Variants in APPBP2 observed in about 807,000 individuals in gnomAD.
APPBP2 encodes the protein amyloid beta precursor protein binding protein 2.
Under a neutral mutation model 76.0 loss-of-function variants are expected in APPBP2, and 15 were observed. The ratio of observed to expected loss-of-function variants is 0.20; its 90% CI spans 0.13 to 0.30. The LOEUF is 0.30. APPBP2 is among the 10% of genes least tolerant of loss of function. The pLI, the probability that APPBP2 is intolerant of heterozygous loss-of-function variation, is 1.00. For synonymous variants in APPBP2, 222 were observed against 242.2 expected (o/e 0.92, Z 0.77); for missense variants, 401 against 687.2 (o/e 0.58, Z 4.66).
chr17:60,513,230 G>C (rs1216659132), intron 1 of APPBP2: 3 of 400,258 alleles, frequency 7.5e-6, no homozygotes, highest in African/African-American at 2.1e-5. Flanking sequence ...ACTTCCACCT[G>C]AAGTAAATCA....
intron 4 of APPBP2, among the ~76,000 whole-genome samples, chr17:60,472,271 T>A (rs1016777646): frequency 3.3e-5 from 5 of 152,226 alleles, no homozygotes; most frequent in African/African-American, 1.2e-4. Context: ...TTGATAGAAT[T>A]CACTAGTGAA....
At chr17:60,517,491 CAT>C (rs1332289637) in intron 1 of APPBP2, among the ~76,000 whole-genome samples, 1 of 152,204 alleles carries the variant, frequency 6.6e-6, no homozygotes, top group Admixed American at 6.5e-5. Flanking sequence ...TCTTTGCTGA[CAT>C]AAAATTTTTT....
chr17:60,461,940 G>T, intron 7 of APPBP2, 25 bp from the exon 8 acceptor site: 1 of 1,606,704 alleles, frequency 6.2e-7, no homozygotes, highest in Non-Finnish European at 8.5e-7. Context: ...AAAATTATTA[G>T]GATATAAAGT....
intron 2 of APPBP2, among the ~76,000 whole-genome samples, chr17:60,499,790 T>C (rs149272564): frequency 2.0e-5 from 3 of 152,246 alleles, no homozygotes; most frequent in Non-Finnish European, 4.4e-5. Context: ...AAAAACATTA[T>C]GCTAAATGAA....
intron 3 of APPBP2, among the ~76,000 whole-genome samples, chr17:60,492,462 A>G (rs1421988518): frequency 6.6e-6 from 1 of 152,230 alleles, no homozygotes; most frequent in Non-Finnish European, 1.5e-5. Context: ...CAGTCCGTGA[A>G]AGCAGCTGGG....
Position 60,452,065 on chromosome 17 carries a change from T to C in APPBP2, c.1339-20A>G. 4 of 1,608,008 alleles carry C rather than the reference T, an allele frequency of 2.5e-6. No homozygotes were observed. The highest frequency in any genetic ancestry group is 8.5e-7 in the Non-Finnish European group (1 of 1,178,116). The stretch of plus-strand genomic sequence containing the variant: ...AGCTTCCTGAAAAACAATTATGCCA[T>C]ATCAATCATTATACTTTTTCTCATC... On this transcript the variant is annotated intron_variant, in intron 11 of 12. Coordinates refer to ENST00000083182, the MANE Select transcript of APPBP2 (RefSeq NM_006380.5).
At chr17:60,479,091 T>G (rs922543003) in intron 4 of APPBP2, 57 bp downstream of exon 4, 41 of 1,553,682 alleles carry the variant, frequency 2.6e-5, no homozygotes, top group Non-Finnish European at 3.3e-5. Flanking sequence ...GAGCTAAAAC[T>G]ATAAAAGCCA....
intron 12 of APPBP2, among the ~76,000 whole-genome samples, chr17:60,448,457 C>T (rs570717161): frequency 1.3e-5 from 2 of 152,204 alleles, no homozygotes; most frequent in East Asian, 1.9e-4. Context: ...AGAGAGACTC[C>T]GTCTCAAAAA....
Position 60,456,363 on chromosome 17 carries a change from A to G in APPBP2, c.1080T>C (p.Ala360=). 1.9e-6 allele frequency: 3 copies of G among 1,608,048 alleles called. No individual in the cohort carries two copies. Among genetic ancestry groups the G allele is most frequent in the Non-Finnish European group, 2.6e-6 (3 of 1,174,686 alleles). ...GTAGGATGTGGGTAATGATACCAAT[A>G]GCTCTTTCTGCATGAAATCTGTAAT... ...FDNALFHAER[A]IGIITHILPE... The change falls in exon 10 of 13, where the codon GCT becomes GCC. Residue 360 remains alanine, a synonymous_variant. Transcript: ENST00000083182.
At chr17:60,487,674 A>G (rs886248534) in intron 3 of APPBP2, among the ~76,000 whole-genome samples, 4 of 152,120 alleles carry the variant, frequency 2.6e-5, no homozygotes, top group Non-Finnish European at 5.9e-5. Context: ...TGTTATTACC[A>G]ACCTTCTGAA....
intron 10 of APPBP2, among the ~76,000 whole-genome samples, chr17:60,455,206 GA>G (rs1197800265): frequency 2.6e-5 from 4 of 152,042 alleles, no homozygotes; most frequent in African/African-American, 7.2e-5. Context: ...GTAGAGACAT[GA>G]AAAAATGTAA....
intron 1 of APPBP2, among the ~76,000 whole-genome samples, chr17:60,502,185 T>C (rs2090828403): frequency 6.6e-6 from 1 of 152,172 alleles, no homozygotes; most frequent in African/African-American, 2.4e-5. Context: ...CCTCAGACTC[T>C]CTGAGTGCTG....
chr17:60,495,197 G>A (rs527691793), intron 2 of APPBP2, among the ~76,000 whole-genome samples: 42 of 151,196 alleles, frequency 2.8e-4, no homozygotes, highest in African/African-American at 9.7e-4. Flanking sequence ...CATGTTAGCC[G>A]GGATGCTCTC....
chr17:60,498,433 GTATC>G (rs1237197764), intron 2 of APPBP2, among the ~76,000 whole-genome samples: 1 of 152,074 alleles, frequency 6.6e-6, no homozygotes, highest in Non-Finnish European at 1.5e-5. Flanking sequence ...TTCTAGGTAT[GTATC>G]TAATAGATAT....
chr17:60,513,514 T>A, intron 1 of APPBP2: 1 of 535,708 alleles, frequency 1.9e-6, no homozygotes, highest in South Asian at 2.1e-5. Context: ...CTGAAGCTTC[T>A]CACGGAGAAA....
chr17:60,474,816 A>G (rs954655857), intron 4 of APPBP2, among the ~76,000 whole-genome samples: 2 of 152,150 alleles, frequency 1.3e-5, no homozygotes, highest in African/African-American at 2.4e-5. Flanking sequence ...CTCCATTTAC[A>G]TGTGAGACAT....
At chr17:60,488,128 T>G (rs562984860) in intron 3 of APPBP2, among the ~76,000 whole-genome samples, 1 of 152,330 alleles carries the variant, frequency 6.6e-6, no homozygotes, top group South Asian at 2.1e-4. Flanking sequence ...GAGGTGTCAG[T>G]CAGCCCCTAC....
rs569625955 is a variant in APPBP2, at chr17:60,463,780, C to T, written c.762+241G>A. Among the ~76,000 whole-genome samples, 12 of 152,232 alleles carry T rather than the reference C, an allele frequency of 7.9e-5. No individual in the cohort carries two copies. In the South Asian group the frequency reaches 2.3e-3, roughly 29 times the overall value. On this transcript the variant is annotated intron_variant, in intron 6 of 12. Transcript: ENST00000083182. ...TGAGCTGTACTTTAGTGCACTGAAACAATGATCAAAATGAATTATTTCACT... is the reference window on the plus strand; with the variant it reads ...TGAGCTGTACTTTAGTGCACTGAAATAATGATCAAAATGAATTATTTCACT...
chr17:60,457,954 C>T (rs1295213283), intron 9 of APPBP2, among the ~76,000 whole-genome samples: 1 of 152,046 alleles, frequency 6.6e-6, no homozygotes, highest in African/African-American at 2.4e-5. Flanking sequence ...CAGTCAGTCT[C>T]CATTTCCCTC....
Sources: allele counts gnomAD v4.1 joint callset (sites outside exome capture counted in the v4.1 genomes callset), GRCh38; gene constraint gnomAD v4.1.1; transcripts MANE v1.5; gene names NCBI Gene and HGNC (gene_info 2026-07-23, HGNC 2026-07-21).